Variants in CTIF observed in about 807,000 individuals in gnomAD.
CTIF encodes cap binding complex dependent translation initiation factor.
Under a neutral mutation model 66.0 loss-of-function variants are expected in CTIF, and 21 were observed. That is an observed-to-expected ratio of 0.32 (90% CI 0.23 to 0.46). CTIF has a LOEUF of 0.46. Ranked by LOEUF, CTIF falls within the 20% of genes least tolerant of loss-of-function variation. The pLI is 1.00. For missense variants in CTIF, 739 were observed against 812.7 expected, an observed-to-expected ratio of 0.91 and a Z score of 1.10; for synonymous variants, 345 against 326.4, an observed-to-expected ratio of 1.06 and a Z score of -0.62.
chr18:48,754,648 G>A (rs1431555628), intron 7 of CTIF, among the ~76,000 whole-genome samples: 3 of 152,238 alleles, frequency 2.0e-5, no homozygotes, highest in Admixed American at 1.3e-4. Flanking sequence ...CCAATTAGGA[G>A]GGAACACTTG....
At chr18:48,543,998 A>C (rs1464963322) in intron 1 of CTIF, among the ~76,000 whole-genome samples, 1 of 152,104 alleles carries the variant, frequency 6.6e-6, no homozygotes, top group Non-Finnish European at 1.5e-5. Flanking sequence ...CAGTGCTCTT[A>C]AGCTTGGTCT....
At chr18:48,686,068 C>G (rs2091835641) in intron 6 of CTIF, among the ~76,000 whole-genome samples, 1 of 152,206 alleles carries the variant, frequency 6.6e-6, no homozygotes, top group African/African-American at 2.4e-5. Context: ...CTAATACTTT[C>G]ACTCACAAAT....
intron 6 of CTIF, among the ~76,000 whole-genome samples, chr18:48,687,134 C>T (rs751804709): frequency 2.6e-5 from 4 of 151,842 alleles, no homozygotes; most frequent in Admixed American, 1.3e-4. Flanking sequence ...CAGATGGTGT[C>T]GTGTGGGAGT....
At chr18:48,852,097 A>T (rs931003166) in intron 10 of CTIF, among the ~76,000 whole-genome samples, 1 of 151,796 alleles carries the variant, frequency 6.6e-6, no homozygotes, top group Admixed American at 6.6e-5. Flanking sequence ...TTAGCCAGAC[A>T]TGGTGGTGCA....
chr18:48,664,590 G>A, intron 5 of CTIF, 39 bp downstream of exon 5: 2 of 1,575,228 alleles, frequency 1.3e-6, no homozygotes, highest in Non-Finnish European at 1.7e-6. Context: ...GTGGGGTGGG[G>A]CAGGGGACGG....
intron 9 of CTIF, among the ~76,000 whole-genome samples, chr18:48,807,922 AC>A (rs560048836): frequency 1.7e-4 from 26 of 152,108 alleles, no homozygotes; most frequent in Non-Finnish European, 3.8e-4. Context: ...ATCATCATTT[AC>A]TTAATTGTTC....
In CTIF at chr18:48,779,182, G is replaced by A. The variant is rs576918278; in HGVS notation, c.1371+17493G>A. On this transcript the variant is annotated intron_variant, in intron 9 of 11. Transcript: ENST00000256413. ...TCATGTCTGGGGGTTCCTGTCAGGG[G>A]TCCAACAGGAACACCAGTTACTCCT... Among the ~76,000 whole-genome samples, 46 of 152,272 alleles carry A rather than the reference G, an allele frequency of 3.0e-4. No individual in the cohort carries two copies. In the South Asian group the frequency reaches 5.4e-3, roughly 18 times the overall value.
At chr18:48,796,454 G>T (rs2067921678) in intron 9 of CTIF, among the ~76,000 whole-genome samples, 1 of 152,196 alleles carries the variant, frequency 6.6e-6, no homozygotes, top group Admixed American at 6.5e-5. Flanking sequence ...GGGATTACAG[G>T]TGTGAGCCAC....
chr18:48,730,565 T>C (rs78885589), intron 7 of CTIF, among the ~76,000 whole-genome samples: 1,448 of 2,974 alleles, frequency 0.49, 526 homozygotes, highest in East Asian at 0.75. Context: ...TGTGAGGGGC[T>C]TCTGCGGTGT....
intron 6 of CTIF, among the ~76,000 whole-genome samples, chr18:48,678,226 G>T (rs1179931580): frequency 6.6e-6 from 1 of 152,134 alleles, no homozygotes; most frequent in Non-Finnish European, 1.5e-5. Context: ...ACTGCTGAAG[G>T]CAATAAAAAT....
chr18:48,575,092 G>T lies in CTIF; in HGVS notation c.-29+35780G>T, dbSNP rs568297668. ...CCCCGCCTCTGCCAGGACTCCTGGG[G>T]GCAGGGTCCAGGGTGCAGGGGAAAG... On this transcript the variant is annotated intron_variant, in intron 1 of 11. Transcript: ENST00000256413. Among the ~76,000 whole-genome samples, 4 of 152,310 alleles carry T rather than the reference G, an allele frequency of 2.6e-5. No homozygotes were observed. The South Asian group carries it at 8.3e-4, about 32-fold the overall frequency.
intron 6 of CTIF, among the ~76,000 whole-genome samples, chr18:48,709,681 G>A (rs546079479): frequency 1.3e-5 from 2 of 152,344 alleles, no homozygotes; most frequent in South Asian, 4.1e-4. Context: ...AAGGGGGCCA[G>A]CCCAGAGCCT....
In CTIF at chr18:48,614,004, C is replaced by A. The variant is rs533304016; in HGVS notation, c.-28-5534C>A. On this transcript the variant is annotated intron_variant, in intron 1 of 11. Coordinates refer to ENST00000256413, the MANE Select transcript of CTIF (RefSeq NM_014772.3). ...ACCTGGCAGGGAATCGGAGCAGAGC[C>A]GGGAGAGGAGGGGAGAGGCGTGTCT... Among the ~76,000 whole-genome samples the A allele has an allele frequency of 2.6e-5, 4 of 152,304 alleles. No homozygotes were observed. The South Asian group carries it at 6.2e-4, about 24-fold the overall frequency.
chr18:48,617,599 G>A (rs1226312429), intron 1 of CTIF, among the ~76,000 whole-genome samples: 2 of 152,202 alleles, frequency 1.3e-5, no homozygotes, highest in African/African-American at 4.8e-5. Flanking sequence ...TGCTGGTGGT[G>A]TGGGGAGGTA....
chr18:48,560,042 C>T (rs1027881321), intron 1 of CTIF, among the ~76,000 whole-genome samples: 1 of 152,006 alleles, frequency 6.6e-6, no homozygotes, highest in Admixed American at 6.5e-5. Flanking sequence ...GTGAATGGCC[C>T]AAGAAACAGG....
At chr18:48,557,903 C>T (rs2089060544) in intron 1 of CTIF, among the ~76,000 whole-genome samples, 1 of 152,216 alleles carries the variant, frequency 6.6e-6, no homozygotes, top group South Asian at 2.1e-4. Context: ...CAGACCCCAC[C>T]CTTAGGACCA....
chr18:48,743,651 G>A (rs1349975391), intron 7 of CTIF, among the ~76,000 whole-genome samples: 2 of 152,198 alleles, frequency 1.3e-5, no homozygotes, highest in Admixed American at 6.5e-5. Flanking sequence ...GCTAAATTTT[G>A]CCTGTATTCA....
intron 7 of CTIF, among the ~76,000 whole-genome samples, chr18:48,739,577 C>T (rs961221280): frequency 6.6e-6 from 1 of 152,208 alleles, no homozygotes; most frequent in Admixed American, 6.5e-5. Context: ...AGACTGTCAT[C>T]ACCGCCACTC....
chr18:48,728,280 A>G (rs1306725682), intron 7 of CTIF, among the ~76,000 whole-genome samples: 4 of 152,178 alleles, frequency 2.6e-5, no homozygotes, highest in Middle Eastern at 3.4e-3. Context: ...ACTAAGAATC[A>G]CCCCAGAATG....
Sources: gnomAD v4.1 joint callset for allele counts (sites outside exome capture counted in the v4.1 genomes callset) on GRCh38, gnomAD v4.1.1 for gene constraint, MANE v1.5 for transcripts, NCBI Gene and HGNC (gene_info 2026-07-23, HGNC 2026-07-21) for gene names.